Variants in TNRC6A observed in about 807,000 individuals in gnomAD.
The protein encoded by TNRC6A is trinucleotide repeat-containing gene 6A protein.
A neutral mutation model predicts 221.2 loss-of-function variants in TNRC6A; 44 were observed. The observed-to-expected ratio is 0.20, with a 90% confidence interval of 0.16 to 0.26. The LOEUF (loss-of-function observed/expected upper bound fraction) is 0.26, where lower values mean the gene tolerates loss of function less well. TNRC6A is among the 10% of genes least tolerant of loss of function. The pLI is 1.00. For missense variants in TNRC6A, 2,199 were observed against 2,404.4 expected (o/e 0.91, Z 1.79); for synonymous variants, 847 against 838.5 (o/e 1.01, Z -0.18).
chr16:24,646,142 T>C (rs1004680679), intron 2 of TNRC6A, among the ~76,000 whole-genome samples: 1 of 152,146 alleles, frequency 6.6e-6, no homozygotes, highest in Non-Finnish European at 1.5e-5. Flanking sequence ...AGGTCACAGG[T>C]TTTTCTTTCT....
chr16:24,776,827 T>G (rs2057728515), intron 4 of TNRC6A, 106 bp from the exon 5 acceptor site: 1 of 1,513,838 alleles, frequency 6.6e-7, no homozygotes, highest in Non-Finnish European at 8.8e-7. Flanking sequence ...AAAGCTTCTG[T>G]TTTTTTAGGA....
In TNRC6A at chr16:24,806,735, G is replaced by A. The variant is rs1160168563; in HGVS notation, c.4491G>A (p.Glu1497=). Residue 1497 remains glutamate (E), a synonymous_variant, in exon 17 of 25, where the codon GAG becomes GAA. Transcript: ENST00000395799. ...LDNVMPHTTP[E]LQKGPSPINA... is the part of the protein sequence containing the mutation. ...ATGTCATGCCCCACACTACACCTGAGCTGCAAAAAGGGCCATCACCAATAA... is the reference window on the plus strand; with the variant it reads ...ATGTCATGCCCCACACTACACCTGAACTGCAAAAAGGGCCATCACCAATAA... 5 of 1,614,108 alleles carry A rather than the reference G, an allele frequency of 3.1e-6. No individual in the cohort carries two copies. Among genetic ancestry groups the A allele is most frequent in the African/African-American group, 1.3e-5 (1 of 75,024 alleles).
upstream of TNRC6A, among the ~76,000 whole-genome samples, chr16:24,724,811 C>T (rs1351303856): frequency 2.0e-5 from 3 of 152,046 alleles, no homozygotes; most frequent in Non-Finnish European, 4.4e-5. Flanking sequence ...TTATACATTA[C>T]TGTGAAAAAA....
intron 11 of TNRC6A, 89 bp downstream of exon 11, chr16:24,798,055 C>G: frequency 8.5e-7 from 1 of 1,182,084 alleles, no homozygotes; most frequent in Non-Finnish European, 1.2e-6. Context: ...TGACGTAGAT[C>G]AGGACAGGGG....
At chr16:24,716,774 A>G (rs1205630026) in intron 2 of TNRC6A, among the ~76,000 whole-genome samples, 1 of 151,976 alleles carries the variant, frequency 6.6e-6, no homozygotes, top group Non-Finnish European at 1.5e-5. Flanking sequence ...CCTGGCCAAC[A>G]TGGTGAAACC....
intron 2 of TNRC6A, among the ~76,000 whole-genome samples, chr16:24,661,129 T>C (rs1384852814): frequency 2.0e-5 from 3 of 152,046 alleles, no homozygotes; most frequent in Non-Finnish European, 4.4e-5. Context: ...CTTTTTGTTA[T>C]GTGGATGAAT....
chr16:24,775,062 C>T lies in TNRC6A; in HGVS notation c.164-1871C>T, dbSNP rs1057258834. On this transcript the variant is annotated intron_variant, in intron 4 of 24. Transcript: ENST00000395799. ...TGGAGGGCTGCCTGTACTTTATCTTCCTTAGGTTTCAGAGGTACTTTAGAA... is the reference window on the plus strand; with the variant it reads ...TGGAGGGCTGCCTGTACTTTATCTTTCTTAGGTTTCAGAGGTACTTTAGAA... 6.6e-5 allele frequency among the ~76,000 whole-genome samples: 10 copies of T among 152,230 alleles called. No individual in the cohort carries two copies. In the South Asian group the frequency reaches 1.5e-3, roughly 22 times the overall value.
chr16:24,823,941 C>A lies in TNRC6A; in HGVS notation c.*134C>A. 1.2e-6 allele frequency: 1 copy of A among 863,172 alleles called. No homozygotes were observed. Among genetic ancestry groups the A allele is most frequent in the Non-Finnish European group, 1.6e-6 (1 of 621,196 alleles). The allele number at this position is 863,172 out of a possible 1,614,324, so 53.5% of individuals were successfully genotyped here. Reference sequence around the variant, plus strand: ...TGCACATTTTCCACTTTGTTTTCCCCAAAACATATCAGTTTGAATACTTGA... The same window carrying A: ...TGCACATTTTCCACTTTGTTTTCCCAAAAACATATCAGTTTGAATACTTGA... On this transcript the variant is annotated 3_prime_UTR_variant, in exon 25 of 25. Coordinates refer to ENST00000395799, the MANE Select transcript of TNRC6A (RefSeq NM_014494.4). This position sits in a 1 kb window ranked among gnomAD's most constrained non-coding sequence, Gnocchi z 4.3.
rs376156075 is a variant in TNRC6A at position 24,625,583 on chromosome 16, G to A, written n.276+15099G>A. Reference sequence around the variant, plus strand: ...TACTAAAAAATACAAAAAATTAGCCGGGCGCGGTGGCGGGCGCCTGTAGTC... The same window carrying A: ...TACTAAAAAATACAAAAAATTAGCCAGGCGCGGTGGCGGGCGCCTGTAGTC... On this transcript the variant is annotated intron_variant and non_coding_transcript_variant, in intron 1 of 2. Transcript: ENST00000566108. Among the ~76,000 whole-genome samples, 132 of 151,980 alleles carry A rather than the reference G, an allele frequency of 8.7e-4. 5 individuals carry two copies. In the East Asian group the frequency reaches 0.023, roughly 27 times the overall value.
intron 2 of TNRC6A, among the ~76,000 whole-genome samples, chr16:24,687,327 A>C (rs933189943): frequency 6.6e-6 from 1 of 152,192 alleles, no homozygotes; most frequent in Non-Finnish European, 1.5e-5. Context: ...AAGCCCAAGG[A>C]GGTGGAACTC....
At chr16:24,621,364 T>C (rs912797303) in intron 1 of TNRC6A, among the ~76,000 whole-genome samples, 26 of 143,770 alleles carry the variant, frequency 1.8e-4, no homozygotes, top group African/African-American at 5.7e-4. Context: ...TTTTTTTTTT[T>C]TTTTTAGACA....
intron 1 of TNRC6A, among the ~76,000 whole-genome samples, chr16:24,638,056 A>G (rs1026524222): frequency 2.0e-5 from 3 of 152,184 alleles, no homozygotes; most frequent in African/African-American, 7.2e-5. Flanking sequence ...AAGTGCTGGC[A>G]TTACAGGCGT....
intron 4 of TNRC6A, among the ~76,000 whole-genome samples, chr16:24,772,640 G>A (rs1200070203): frequency 3.9e-5 from 6 of 152,024 alleles, no homozygotes; most frequent in South Asian, 2.1e-4. Context: ...AAAATTAGCC[G>A]GGGCTGGTGG....
At position 24,757,456 on chromosome 16, in the gene TNRC6A, T is replaced by C. The variant is rs547475944; in HGVS notation, c.142-883T>C. 9.6e-4 allele frequency among the ~76,000 whole-genome samples: 146 copies of C among 152,396 alleles called. 3 individuals are homozygous for C. In the East Asian group the frequency reaches 0.021, roughly 22 times the overall value. ...AAACAACAACTGGTTATTCAGTTAC[T>C]AATTATTCAGTCTTTTCTCACCTCC... On this transcript the variant is annotated intron_variant, in intron 3 of 24. Transcript: ENST00000395799.
At chr16:24,659,739 A>G (rs2054990155) in intron 2 of TNRC6A, among the ~76,000 whole-genome samples, 1 of 152,180 alleles carries the variant, frequency 6.6e-6, no homozygotes, top group African/African-American at 2.4e-5. Context: ...TATCACACCC[A>G]GCCCTATCTT....
At chr16:24,670,706 T>G (rs1296902483) in intron 2 of TNRC6A, among the ~76,000 whole-genome samples, 3 of 151,998 alleles carry the variant, frequency 2.0e-5, no homozygotes, top group Non-Finnish European at 4.4e-5. Context: ...GATGGAAAAA[T>G]ACTGGTACAA....
upstream of TNRC6A, among the ~76,000 whole-genome samples, chr16:24,725,964 C>T (rs1368913514): frequency 2.0e-5 from 3 of 151,276 alleles, no homozygotes; most frequent in African/African-American, 7.3e-5. Flanking sequence ...CATGCCACTG[C>T]ACTCCAGCCT....
chr16:24,779,326 T>C (rs1204350013), intron 5 of TNRC6A, among the ~76,000 whole-genome samples: 1 of 152,166 alleles, frequency 6.6e-6, no homozygotes, highest in Admixed American at 6.5e-5. Context: ...AACTAGAAAA[T>C]GCAGATGATG....
rs1177137785 is a variant in TNRC6A at position 24,756,187 on chromosome 16, A to G, written c.142-2152A>G. 5.3e-5 allele frequency among the ~76,000 whole-genome samples: 8 copies of G among 152,294 alleles called. No homozygotes were observed. In the East Asian group the frequency reaches 1.2e-3, roughly 22 times the overall value. On this transcript the variant is annotated intron_variant, in intron 3 of 24. Coordinates refer to ENST00000395799, the MANE Select transcript of TNRC6A (RefSeq NM_014494.4). Reference sequence around the variant, plus strand: ...ATCTTGTGTTCTTTTAAAAATACCAAATATTAGAAATTTGGTGTGTATTTT... The same window carrying G: ...ATCTTGTGTTCTTTTAAAAATACCAGATATTAGAAATTTGGTGTGTATTTT...
Sources: allele counts gnomAD v4.1 joint callset (sites outside exome capture counted in the v4.1 genomes callset), GRCh38; gene constraint gnomAD v4.1.1; non-coding constraint Gnocchi (gnomAD v3.1); transcripts MANE v1.5; gene names NCBI Gene and HGNC (gene_info 2026-07-23, HGNC 2026-07-21).